The following NIBAN2 variants were observed in gnomAD, a reference collection of about 807,000 sequenced individuals.
NIBAN2 encodes the protein protein Niban 2.
NIBAN2 carries 36 observed loss-of-function variants against 81.8 expected under a neutral mutation model. The observed-to-expected ratio is 0.44, with a 90% confidence interval of 0.34 to 0.58. The LOEUF is 0.58. NIBAN2 is among the 20% of genes least tolerant of loss of function. The pLI is 0.02. For synonymous variants in NIBAN2, 445 were observed against 441.6 expected, an observed-to-expected ratio of 1.01 and a Z score of -0.10; for missense variants, 897 against 1,014.1, an observed-to-expected ratio of 0.88 and a Z score of 1.57.
chr9:127,555,532 T>C (rs757455685), intron 1 of NIBAN2, among the ~76,000 whole-genome samples: 1 of 151,772 alleles, frequency 6.6e-6, no homozygotes, highest in African/African-American at 2.4e-5. Context: ...CATTCCCTAG[T>C]GGGGAGCGGC....
chr9:127,554,318 C>G (rs190136577), intron 1 of NIBAN2, among the ~76,000 whole-genome samples: 1 of 152,096 alleles, frequency 6.6e-6, no homozygotes, highest in Non-Finnish European at 1.5e-5. Flanking sequence ...CTCCACTCAC[C>G]CTTACCCCAA....
At chr9:127,566,501 A>G (rs1837861638) in intron 1 of NIBAN2, among the ~76,000 whole-genome samples, 1 of 152,202 alleles carries the variant, frequency 6.6e-6, no homozygotes, top group Non-Finnish European at 1.5e-5. Flanking sequence ...GTGCCGTGGC[A>G]GCAAAACAGC....
intron 1 of NIBAN2, among the ~76,000 whole-genome samples, chr9:127,549,770 T>C (rs1003301072): frequency 1.3e-5 from 2 of 152,180 alleles, no homozygotes; most frequent in Admixed American, 6.5e-5. Context: ...GGAAAGTTTA[T>C]TCAAATAACA....
At chr9:127,554,336 G>A (rs1837627873) in intron 1 of NIBAN2, among the ~76,000 whole-genome samples, 2 of 151,996 alleles carry the variant, frequency 1.3e-5, no homozygotes, top group Non-Finnish European at 2.9e-5. Context: ...CAAGTCTGCT[G>A]GTTAAAAATC....
Position 127,523,217 on chromosome 9 carries a change from A to AT in NIBAN2, c.589+461dup, listed in dbSNP as rs1480800002. 8.9e-4 allele frequency among the ~76,000 whole-genome samples: 33 copies of AT among 37,064 alleles called. 11 individuals carry two copies. Among genetic ancestry groups the AT allele is most frequent in the Non-Finnish European group, 1.7e-3 (33 of 19,182 alleles). 24.3% of individuals were successfully genotyped at this position (37,064 alleles called of 152,430 possible). Reference sequence around the variant, plus strand: ...AATATATATATATATATATATATATATATATATATATATATATATATATAT... The same window carrying AT: ...AATATATATATATATATATATATATATTATATATATATATATATATATATAT... On this transcript the variant is annotated intron_variant, in intron 5 of 13. Coordinates refer to ENST00000373312, the MANE Select transcript of NIBAN2 (RefSeq NM_022833.4).
chr9:127,569,401 C>T (rs1464678289), upstream of NIBAN2, among the ~76,000 whole-genome samples: 3 of 151,904 alleles, frequency 2.0e-5, no homozygotes, highest in African/African-American at 7.3e-5. Flanking sequence ...CGCACCCGCC[C>T]TGTACCTAAG....
At chr9:127,569,331 C>G (rs1455510976), upstream of NIBAN2, among the ~76,000 whole-genome samples, 1 of 151,132 alleles carries the variant, frequency 6.6e-6, no homozygotes, top group Non-Finnish European at 1.5e-5. Context: ...CGGGACCGCC[C>G]TGGAGAAGGA....
intron 2 of NIBAN2, among the ~76,000 whole-genome samples, chr9:127,531,093 T>C (rs1411554498): frequency 6.6e-6 from 1 of 150,604 alleles, no homozygotes. Flanking sequence ...GGTGGAAGGA[T>C]CACTTGAGCC....
In NIBAN2 at chr9:127,508,366, G is replaced by T. The variant is rs911967153; in HGVS notation, c.1434+56C>A. On this transcript the variant is annotated intron_variant, in intron 11 of 13. Transcript: ENST00000373312. The surrounding 1 kb of genome is among the most constrained non-coding windows in gnomAD (Gnocchi z 6.4). ...CAATCCTGGTGGTGGCCGGGGATGA[G>T]GCTCGGGGCTCGGCCTCGCCTAGGA... 11 of 1,476,210 alleles carry T rather than the reference G, an allele frequency of 7.5e-6. No individual in the cohort carries two copies. Among genetic ancestry groups the T allele is most frequent in the East Asian group, 4.5e-5 (2 of 44,124 alleles). The allele number at this position is 1,476,210 out of a possible 1,614,324, so 91.4% of individuals were successfully genotyped here.
intron 1 of NIBAN2, among the ~76,000 whole-genome samples, chr9:127,548,910 G>C (rs1837522271): frequency 6.6e-6 from 1 of 152,210 alleles, no homozygotes; most frequent in African/African-American, 2.4e-5. Context: ...CAAGATCCCA[G>C]CAAGGGCTTT....
rs943567574 is a variant in NIBAN2 at position 127,536,314 on chromosome 9, C to A, written c.56-4536G>T. ...GGCTTGCAGGGCCTTCCTGGCTGGA[C>A]CCTGCTGGAAGAGGACCCAGGCGAG... On this transcript the variant is annotated intron_variant, in intron 1 of 13. Coordinates refer to ENST00000373312, the MANE Select transcript of NIBAN2 (RefSeq NM_022833.4). This position sits in a 1 kb window ranked among gnomAD's most constrained non-coding sequence, Gnocchi z 4.0. Among the ~76,000 whole-genome samples the A allele has an allele frequency of 6.6e-6, 1 of 152,170 alleles. No homozygotes were observed. The highest frequency in any genetic ancestry group is 2.4e-5 in the African/African-American group (1 of 41,436).
upstream of NIBAN2, among the ~76,000 whole-genome samples, chr9:127,569,356 C>A (rs896817347): frequency 6.6e-6 from 1 of 151,678 alleles, no homozygotes; most frequent in Non-Finnish European, 1.5e-5. Flanking sequence ...AAGAGAAGGT[C>A]CCAGAAAGGG....
chr9:127,514,296 A>T (rs915183028), intron 8 of NIBAN2, among the ~76,000 whole-genome samples: 1 of 151,790 alleles, frequency 6.6e-6, no homozygotes, highest in Non-Finnish European at 1.5e-5. Flanking sequence ...AACTAAAAGA[A>T]TATACTTGGA....
chr9:127,574,588 G>T (rs1837986195), intron 1 of NIBAN2, among the ~76,000 whole-genome samples: 1 of 151,948 alleles, frequency 6.6e-6, no homozygotes, highest in African/African-American at 2.4e-5. Context: ...CTCCCCATGA[G>T]TCCCTCTCCC....
intron 1 of NIBAN2, among the ~76,000 whole-genome samples, chr9:127,575,381 C>T (rs1489529974): frequency 6.6e-6 from 1 of 151,922 alleles, no homozygotes; most frequent in Non-Finnish European, 1.5e-5. Flanking sequence ...GTTCCTGCCA[C>T]CACGCCTGGC....
At chr9:127,564,313 A>C (rs1223878639) in intron 1 of NIBAN2, among the ~76,000 whole-genome samples, 5 of 150,276 alleles carry the variant, frequency 3.3e-5, no homozygotes, top group African/African-American at 1.2e-4. Flanking sequence ...AAAAAAGGTG[A>C]CCCAGGAGTT....
intron 8 of NIBAN2, among the ~76,000 whole-genome samples, chr9:127,514,106 T>G (rs1198168222): frequency 6.6e-6 from 1 of 151,908 alleles, no homozygotes; most frequent in Non-Finnish European, 1.5e-5. Context: ...CCATTTCTAC[T>G]AAAAATACAA....
chr9:127,554,722 G>A (rs947641385), intron 1 of NIBAN2, among the ~76,000 whole-genome samples: 15 of 151,536 alleles, frequency 9.9e-5, no homozygotes, highest in Admixed American at 2.6e-4. Context: ...CCCCATGCCC[G>A]GCTAATTTTT....
In NIBAN2 at chr9:127,508,360, G is replaced by A; in HGVS notation, c.1434+62C>T. 2 of 1,460,972 alleles carry A rather than the reference G, an allele frequency of 1.4e-6. No homozygotes were observed. Among genetic ancestry groups the A allele is most frequent in the Admixed American group, 3.4e-5 (2 of 59,580 alleles). 90.5% of individuals were successfully genotyped at this position (1,460,972 alleles called of 1,614,324 possible). On this transcript the variant is annotated intron_variant, in intron 11 of 13. Coordinates refer to ENST00000373312, the MANE Select transcript of NIBAN2 (RefSeq NM_022833.4). This position sits in a 1 kb window ranked among gnomAD's most constrained non-coding sequence, Gnocchi z 6.4. The stretch of plus-strand genomic sequence containing the variant: ...GGACAGCAATCCTGGTGGTGGCCGG[G>A]GATGAGGCTCGGGGCTCGGCCTCGC...
Sources: allele counts gnomAD v4.1 joint callset (sites outside exome capture counted in the v4.1 genomes callset), GRCh38; gene constraint gnomAD v4.1.1; non-coding constraint Gnocchi (gnomAD v3.1); transcripts MANE v1.5; gene names NCBI Gene and HGNC (gene_info 2026-07-23, HGNC 2026-07-21).